Variants in RBM22 observed in about 807,000 individuals in gnomAD.
RBM22 encodes the protein pre-mRNA-splicing factor RBM22.
A neutral mutation model predicts 50.1 loss-of-function variants in RBM22; 1 was observed. The ratio of observed to expected loss-of-function variants is 0.02; its 90% CI spans 0.01 to 0.09. The LOEUF is 0.09. Ranked by LOEUF, RBM22 falls within the 10% of genes least tolerant of loss-of-function variation. The probability of loss-of-function intolerance (pLI) is 1.00; values close to 1 mark genes in which losing one functional copy is unlikely to be tolerated. For missense variants in RBM22, 264 were observed against 529.3 expected, an observed-to-expected ratio of 0.50 and a Z score of 4.92; for synonymous variants, 152 against 179.0, an observed-to-expected ratio of 0.85 and a Z score of 1.20.
At position 150,695,676 on chromosome 5, in the gene RBM22, G is replaced by A. The variant is rs1212982478; in HGVS notation, c.576C>T (p.Pro192=). 6.2e-7 allele frequency: 1 copy of A among 1,611,338 alleles called. No individual in the cohort carries two copies. Among genetic ancestry groups the A allele is most frequent in the Non-Finnish European group, 8.5e-7 (1 of 1,179,456 alleles). The change falls in exon 7 of 11, where the codon CCC becomes CCT. Residue 192 remains proline, a synonymous_variant. Transcript: ENST00000199814. ...GGTCTTTAATATTCTGATCAGCAAG[G>A]GGGTCATCTGGATCTGTAGGCTTCT... The part of the protein sequence containing the change: ...RHEKPTDPDD[P]LADQNIKDRY...
intron 10 of RBM22, 121 bp from the exon 11 acceptor site, chr5:150,692,002 G>A: frequency 9.1e-7 from 1 of 1,104,932 alleles, no homozygotes; most frequent in East Asian, 2.9e-5. Context: ...CGGGGCTTAA[G>A]CAAATGTCAG....
intron 10 of RBM22, 37 bp downstream of exon 10, chr5:150,692,858 A>G: frequency 2.0e-6 from 3 of 1,520,746 alleles, no homozygotes; most frequent in Middle Eastern, 1.8e-4. Context: ...AACTTTCACA[A>G]GGATTTCTCT....
At chr5:150,693,573 C>T (rs753850949) in intron 8 of RBM22, among the ~76,000 whole-genome samples, 8 of 152,226 alleles carry the variant, frequency 5.3e-5, no homozygotes, top group African/African-American at 9.6e-5. Flanking sequence ...ACATAGGGAG[C>T]GCTCCACAAA....
chr5:150,694,904 C>T (rs1041634607), intron 7 of RBM22: 24 of 152,806 alleles, frequency 1.6e-4, no homozygotes, highest in African/African-American at 5.8e-4. Flanking sequence ...GTTTTATCAT[C>T]GCAAAGCTCT....
At chr5:150,700,518 G>A (rs1759331322) in intron 1 of RBM22, 21 bp from the exon 2 acceptor site, 1 of 1,614,080 alleles carries the variant, frequency 6.2e-7, no homozygotes, top group Non-Finnish European at 8.5e-7. Context: ...TGGGAAATCT[G>A]GTTGAGGACC....
chr5:150,696,736 A>C lies in RBM22; in HGVS notation c.373-31T>G. The C allele has an allele frequency of 1.2e-6, 2 of 1,614,006 alleles. No individual in the cohort carries two copies. Among genetic ancestry groups the C allele is most frequent in the Non-Finnish European group, 1.7e-6 (2 of 1,179,862 alleles). The stretch of plus-strand genomic sequence containing the variant: ...TGGGGATGACAAATTCAAAAGATAA[A>C]TTATACAGACTGTGTCAATTCATTA... On this transcript the variant is annotated intron_variant, in intron 5 of 10. Transcript: ENST00000199814. The surrounding 1 kb of genome is among the most constrained non-coding windows in gnomAD (Gnocchi z 4.3).
At chr5:150,699,116 A>G (rs1258497901) in intron 3 of RBM22, 126 bp downstream of exon 3, 2 of 1,288,946 alleles carry the variant, frequency 1.6e-6, no homozygotes, top group African/African-American at 3.1e-5. Context: ...TATATCAGTA[A>G]TACATAAAAA....
At chr5:150,695,325 C>T in intron 7 of RBM22, 181 bp downstream of exon 7, 2 of 608,886 alleles carry the variant, frequency 3.3e-6, no homozygotes, top group Non-Finnish European at 5.7e-6. Context: ...CACATAAGCA[C>T]ATTATTACTG....
At chr5:150,695,482 A>C in intron 7 of RBM22, 24 bp downstream of exon 7, 1 of 1,563,210 alleles carries the variant, frequency 6.4e-7, no homozygotes, top group Middle Eastern at 1.7e-4. Context: ...GGCAAAAATA[A>C]CTCTCTAACT....
intron 1 of RBM22, 67 bp downstream of exon 1, chr5:150,700,865 T>A: frequency 6.2e-7 from 1 of 1,613,922 alleles, no homozygotes; most frequent in Non-Finnish European, 8.5e-7. Context: ...GCAGGCCCTG[T>A]CCTGCCAGCT....
chr5:150,693,056 A>C, intron 9 of RBM22, 30 bp from the exon 10 acceptor site: 1 of 1,588,874 alleles, frequency 6.3e-7, no homozygotes. Context: ...CAACACATAG[A>C]GGGGAGAACA....
At chr5:150,698,149 T>C (rs575845519) in intron 4 of RBM22, among the ~76,000 whole-genome samples, 9 of 152,182 alleles carry the variant, frequency 5.9e-5, no homozygotes, top group South Asian at 2.1e-4. Context: ...AAAGCACAAT[T>C]ACCCTGTGAG....
In RBM22 at chr5:150,691,932, C is replaced by CT. The variant is rs1160237429; in HGVS notation, c.1133-52dup. On this transcript the variant is annotated intron_variant, in intron 10 of 10. Transcript: ENST00000199814. ...TTAGGCTGGTAGTTTCCTTGATAAC[C>CT]TTTCAAACCTCTCAATCTTGCTAAG... 2.8e-6 allele frequency: 4 copies of CT among 1,434,596 alleles called. No homozygotes were observed. In the Admixed American group the frequency reaches 9.6e-5, roughly 35 times the overall value. 88.9% of individuals were successfully genotyped at this position (1,434,596 alleles called of 1,614,324 possible). A position where few individuals can be genotyped will look rare whatever the true frequency, so the allele number is the denominator to read the frequency against.
intron 2 of RBM22, 70 bp downstream of exon 2, chr5:150,700,374 C>A: frequency 6.9e-7 from 1 of 1,444,076 alleles, no homozygotes; most frequent in South Asian, 1.2e-5. Flanking sequence ...CTAAGAGAAA[C>A]ACTTCACAGT....
At chr5:150,692,828 TG>T in intron 10 of RBM22, 66 bp downstream of exon 10, 1 of 1,449,058 alleles carries the variant, frequency 6.9e-7, no homozygotes, top group Non-Finnish European at 9.4e-7. Flanking sequence ...TTGAACATGA[TG>T]GTGAGGTTTA....
At position 150,695,850 on chromosome 5, in the gene RBM22, T is replaced by G. The variant is rs1047497968; in HGVS notation, c.546-144A>C. The G allele has an allele frequency of 7.4e-6, 5 of 674,674 alleles. No individual in the cohort carries two copies. In the South Asian group the frequency reaches 7.9e-5, roughly 11 times the overall value. The allele number at this position is 674,674 out of a possible 1,614,324, so 41.8% of individuals were successfully genotyped here. A position where few individuals can be genotyped will look rare whatever the true frequency, so the allele number is the denominator to read the frequency against. ...AGAAACTATGGTTTCTACCAAAATATAATTACCAAAATAGACCTAATACCA... is the reference window on the plus strand; with the variant it reads ...AGAAACTATGGTTTCTACCAAAATAGAATTACCAAAATAGACCTAATACCA... On this transcript the variant is annotated intron_variant, in intron 6 of 10. Transcript: ENST00000199814.
rs1759276692 is a variant in RBM22 at position 150,696,399 on chromosome 5, C to T, written c.545+134G>A. ...TCATGCTCTTCTAAATTTCATAGTTCTAAGACATGAGGTATACCACATTAG... is the reference window on the plus strand; with the variant it reads ...TCATGCTCTTCTAAATTTCATAGTTTTAAGACATGAGGTATACCACATTAG... On this transcript the variant is annotated intron_variant, in intron 6 of 10. Coordinates refer to ENST00000199814, the MANE Select transcript of RBM22 (RefSeq NM_018047.3). The surrounding 1 kb of genome is among the most constrained non-coding windows in gnomAD (Gnocchi z 4.3). 2 of 1,001,146 alleles carry T rather than the reference C, an allele frequency of 2.0e-6. No homozygotes were observed. Among genetic ancestry groups the T allele is most frequent in the Admixed American group, 2.7e-5 (1 of 37,708 alleles). 62.0% of individuals were successfully genotyped at this position (1,001,146 alleles called of 1,614,324 possible).
At chr5:150,699,297 A>G in intron 2 of RBM22, 26 bp from the exon 3 acceptor site, 1 of 1,553,174 alleles carries the variant, frequency 6.4e-7, no homozygotes, top group Non-Finnish European at 8.7e-7. Flanking sequence ...AATAGAAAAG[A>G]ACTGGAGTTA....
intron 10 of RBM22, 54 bp downstream of exon 10, chr5:150,692,841 G>C: frequency 1.3e-6 from 2 of 1,513,746 alleles, no homozygotes; most frequent in Admixed American, 2.0e-5. Flanking sequence ...TGAGGTTTAT[G>C]AGACAGAACT....
Sources: gnomAD v4.1 joint callset for allele counts (sites outside exome capture counted in the v4.1 genomes callset) on GRCh38, gnomAD v4.1.1 for gene constraint, Gnocchi (gnomAD v3.1) non-coding constraint, MANE v1.5 for transcripts, NCBI Gene and HGNC (gene_info 2026-07-23, HGNC 2026-07-21) for gene names.